IQCK: variants seen among roughly 807,000 people sequenced by gnomAD.
The protein encoded by IQCK is IQ domain-containing protein K.
In IQCK, 29 loss-of-function variants were observed where a neutral mutation model predicts 28.1. That is an observed-to-expected ratio of 1.03 (90% CI 0.77 to 1.41). The LOEUF is 1.41. Ranked by LOEUF, IQCK falls within the 40% of genes most tolerant of loss-of-function variation. The pLI is 0.00. For synonymous variants in IQCK, 113 were observed against 115.1 expected, an observed-to-expected ratio of 0.98 and a Z score of 0.12; for missense variants, 359 against 314.7, an observed-to-expected ratio of 1.14 and a Z score of -1.07.
chr16:19,738,562 C>T (rs556467005), intron 4 of IQCK, among the ~76,000 whole-genome samples: 1 of 152,332 alleles, frequency 6.6e-6, no homozygotes, highest in Admixed American at 6.5e-5. Flanking sequence ...CAAGTCATTT[C>T]ATCTTTCTGA....
chr16:19,743,968 G>A (rs954797519), intron 4 of IQCK, among the ~76,000 whole-genome samples: 26 of 152,186 alleles, frequency 1.7e-4, no homozygotes, highest in African/African-American at 6.3e-4. Context: ...CACATCTATT[G>A]TGTGGTGTGT....
intron 4 of IQCK, among the ~76,000 whole-genome samples, chr16:19,742,149 C>T (rs541463608): frequency 6.6e-6 from 1 of 152,274 alleles, no homozygotes; most frequent in African/African-American, 2.4e-5. Flanking sequence ...GACAGCAGAC[C>T]TGCTCCTGTC....
intron 4 of IQCK, among the ~76,000 whole-genome samples, chr16:19,738,296 A>G (rs55933070): frequency 0.055 from 8,335 of 152,176 alleles, 712 homozygotes; most frequent in African/African-American, 0.18. Flanking sequence ...AGGCTGTTCT[A>G]TTGGACTCAT....
chr16:19,830,866 C>T (rs1022244104), downstream of IQCK, among the ~76,000 whole-genome samples: 4 of 152,134 alleles, frequency 2.6e-5, no homozygotes, highest in Admixed American at 6.5e-5. Context: ...AGAACAAGTC[C>T]TGGCACATAG....
chr16:19,734,730 A>G (rs1977955888), intron 3 of IQCK, among the ~76,000 whole-genome samples: 1 of 149,738 alleles, frequency 6.7e-6, no homozygotes, highest in South Asian at 2.1e-4. Context: ...GCAGTGAGCT[A>G]TGATTGTGCC....
chr16:19,841,305 C>G (rs913361776), intron 9 of IQCK, among the ~76,000 whole-genome samples: 1 of 152,116 alleles, frequency 6.6e-6, no homozygotes, highest in African/African-American at 2.4e-5. Flanking sequence ...ACTAAGGAAT[C>G]TTTTGCATGA....
chr16:19,736,430 T>C (rs368376828), intron 4 of IQCK, among the ~76,000 whole-genome samples: 6 of 151,494 alleles, frequency 4.0e-5, no homozygotes, highest in African/African-American at 1.5e-4. Context: ...GCCTGACTGA[T>C]TGATTGATTG....
At chr16:19,759,366 G>A (rs1435138462) in intron 4 of IQCK, among the ~76,000 whole-genome samples, 3 of 152,036 alleles carry the variant, frequency 2.0e-5, no homozygotes, top group Non-Finnish European at 4.4e-5. Flanking sequence ...GTGCCACCAT[G>A]CCTGGCTTAT....
At chr16:19,852,081 A>G (rs897182343) in intron 9 of IQCK, among the ~76,000 whole-genome samples, 2 of 152,176 alleles carry the variant, frequency 1.3e-5, no homozygotes, top group African/African-American at 4.8e-5. Context: ...AAGATTTTCA[A>G]TAGGATCTAC....
At chr16:19,720,573 C>G (rs532813368) in intron 1 of IQCK, among the ~76,000 whole-genome samples, 64 of 152,284 alleles carry the variant, frequency 4.2e-4, no homozygotes, top group African/African-American at 1.5e-3. Flanking sequence ...AATAAATGTT[C>G]ATTATTGTTG....
At chr16:19,735,784 C>T (rs985720781) in intron 4 of IQCK, 9 of 342,672 alleles carry the variant, frequency 2.6e-5, no homozygotes, top group East Asian at 1.5e-4. Flanking sequence ...TCTCCTTGGC[C>T]GGGCACGGTG....
chr16:19,719,765 C>G (rs551416757), intron 1 of IQCK, among the ~76,000 whole-genome samples: 1 of 149,610 alleles, frequency 6.7e-6, no homozygotes, highest in African/African-American at 2.5e-5. Flanking sequence ...ACCTCCGCCT[C>G]CCGGGTTCAA....
chr16:19,819,209 G>T (rs1315666866), intron 7 of IQCK, among the ~76,000 whole-genome samples: 1 of 151,992 alleles, frequency 6.6e-6, no homozygotes. Context: ...AATTCCACAG[G>T]GGGCTGGGTG....
chr16:19,768,165 C>T (rs2055269130), intron 6 of IQCK, among the ~76,000 whole-genome samples: 1 of 151,890 alleles, frequency 6.6e-6, no homozygotes, highest in Admixed American at 6.6e-5. Flanking sequence ...TTGATACATG[C>T]CATCTCATTT....
chr16:19,733,623 CA>C (rs1977911530), intron 2 of IQCK, 74 bp from the exon 3 acceptor site: 1 of 1,533,568 alleles, frequency 6.5e-7, no homozygotes, highest in African/African-American at 1.4e-5. Flanking sequence ...TTTATTCCTT[CA>C]TAAGGTTATA....
chr16:19,810,366 G>A (rs1200883021), intron 7 of IQCK, among the ~76,000 whole-genome samples: 6 of 151,684 alleles, frequency 4.0e-5, no homozygotes, highest in Admixed American at 2.0e-4. Context: ...GTGTGGTGGC[G>A]GGTGCCTGTA....
intron 6 of IQCK, among the ~76,000 whole-genome samples, chr16:19,777,828 A>T (rs1486342884): frequency 6.6e-6 from 1 of 152,162 alleles, no homozygotes; most frequent in Non-Finnish European, 1.5e-5. Context: ...AGACTGGCAG[A>T]TGACTTGAGG....
chr16:19,778,856 T>A (rs1394741788), intron 6 of IQCK, among the ~76,000 whole-genome samples: 1 of 152,116 alleles, frequency 6.6e-6, no homozygotes, highest in African/African-American at 2.4e-5. Flanking sequence ...TAAATATATA[T>A]GTTCCCTTAT....
intron 6 of IQCK, among the ~76,000 whole-genome samples, chr16:19,767,982 C>G (rs559684820): frequency 6.7e-6 from 1 of 149,858 alleles, no homozygotes; most frequent in Non-Finnish European, 1.5e-5. Context: ...AAATCATAAT[C>G]TTCAGGTATA....
Sources: allele counts gnomAD v4.1 joint callset (sites outside exome capture counted in the v4.1 genomes callset), GRCh38; gene constraint gnomAD v4.1.1; transcripts MANE v1.5; gene names NCBI Gene and HGNC (gene_info 2026-07-23, HGNC 2026-07-21).